Variants in GALNT16 observed in about 807,000 individuals in gnomAD.
GALNT16 encodes the protein polypeptide N-acetylgalactosaminyltransferase 16.
Under a neutral mutation model 76.1 loss-of-function variants are expected in GALNT16, and 40 were observed. That is an observed-to-expected ratio of 0.53 (90% CI 0.41 to 0.68). The LOEUF is 0.68. GALNT16 is among the 30% of genes least tolerant of loss of function. The probability of loss-of-function intolerance (pLI) is 0.00; values close to 1 mark genes in which losing one functional copy is unlikely to be tolerated. For missense variants in GALNT16, 621 were observed against 731.9 expected, an observed-to-expected ratio of 0.85 and a Z score of 1.75; for synonymous variants, 276 against 285.2, an observed-to-expected ratio of 0.97 and a Z score of 0.32.
At chr14:69,269,667 TGTGTA>T (rs1294686194) in intron 1 of GALNT16, among the ~76,000 whole-genome samples, 1 of 151,098 alleles carries the variant, frequency 6.6e-6, no homozygotes, top group Non-Finnish European at 1.5e-5. Context: ...GGTTTGTGTG[TGTGTA>T]GTGTGTGTGT....
chr14:69,295,484 C>G (rs2044746950), intron 1 of GALNT16, among the ~76,000 whole-genome samples: 1 of 151,048 alleles, frequency 6.6e-6, no homozygotes, highest in African/African-American at 2.4e-5. Context: ...TTTTGGGAGG[C>G]CGAGGTGGGC....
At chr14:69,262,960 A>G (rs1169295836) in intron 1 of GALNT16, among the ~76,000 whole-genome samples, 1 of 150,204 alleles carries the variant, frequency 6.7e-6, no homozygotes, top group East Asian at 1.9e-4. Flanking sequence ...GCTCACTGTA[A>G]CCTCCACCTC....
chr14:69,355,821 G>T (rs2140211556), downstream of GALNT16: 1 of 152,390 alleles, frequency 6.6e-6, no homozygotes, highest in South Asian at 2.1e-4. Flanking sequence ...TTTTACAAGG[G>T]CTGTTCCCCC....
At chr14:69,323,271 G>T (rs982809172) in intron 2 of GALNT16, among the ~76,000 whole-genome samples, 1 of 152,208 alleles carries the variant, frequency 6.6e-6, no homozygotes, top group Non-Finnish European at 1.5e-5. Flanking sequence ...ACTCAGGGCT[G>T]GGACAAACCC....
At chr14:69,373,256 T>C in the GALNT16 span, among the ~76,000 whole-genome samples, 1 of 152,202 alleles carries the variant, frequency 6.6e-6, no homozygotes, top group Non-Finnish European at 1.5e-5. Flanking sequence ...TGGGAGTTAG[T>C]ATTACCATGA....
chr14:69,334,753 T>C (rs1466478674), intron 9 of GALNT16, among the ~76,000 whole-genome samples: 1 of 152,136 alleles, frequency 6.6e-6, no homozygotes, highest in Non-Finnish European at 1.5e-5. Context: ...CACCCCGTCA[T>C]CTCCTGCTGG....
chr14:69,296,805 CTAGATAGATAGA>C lies in GALNT16; in HGVS notation c.178-23876_178-23865del, dbSNP rs71102640. Among the ~76,000 whole-genome samples the C allele has an allele frequency of 0.029, 4,265 of 148,182 alleles. 312 individuals carry two copies. In the East Asian group the frequency reaches 0.31, roughly 11 times the overall value. ...GATAGAGATAGACAGACAGATAGAG[CTAGATAGATAGA>C]TAGATAGATAGATAGATAGATAGAT... is the stretch of plus-strand genomic sequence containing the variant. On this transcript the variant is annotated intron_variant, in intron 1 of 14. Transcript: ENST00000448469.
chr14:69,278,302 C>G (rs2044499572), intron 1 of GALNT16, among the ~76,000 whole-genome samples: 1 of 152,186 alleles, frequency 6.6e-6, no homozygotes, highest in South Asian at 2.1e-4. Flanking sequence ...AGCCACCACA[C>G]TGGTCATATT....
chr14:69,282,444 G>A (rs2044556593), intron 1 of GALNT16, among the ~76,000 whole-genome samples: 2 of 152,174 alleles, frequency 1.3e-5, no homozygotes, highest in Middle Eastern at 3.4e-3. Context: ...ATCTGACCAT[G>A]GTTGGCTCCT....
At chr14:69,375,052 A>C in the GALNT16 span, among the ~76,000 whole-genome samples, 1 of 152,116 alleles carries the variant, frequency 6.6e-6, no homozygotes, top group Non-Finnish European at 1.5e-5. Flanking sequence ...CAACACATAA[A>C]CTTTGGGAGA....
the GALNT16 span, chr14:69,380,672 A>G: frequency 1.5e-6 from 2 of 1,305,506 alleles, no homozygotes; most frequent in Non-Finnish European, 2.2e-6. Flanking sequence ...GCAAAGTCAC[A>G]GTGGTCAATC....
intron 1 of GALNT16, among the ~76,000 whole-genome samples, chr14:69,310,852 C>T (rs2045008223): frequency 6.6e-6 from 1 of 152,118 alleles, no homozygotes; most frequent in Non-Finnish European, 1.5e-5. Flanking sequence ...GAGGTTGAGG[C>T]TGCGGTGAGC....
At chr14:69,329,494 C>T (rs994371789) in intron 6 of GALNT16, among the ~76,000 whole-genome samples, 1 of 152,220 alleles carries the variant, frequency 6.6e-6, no homozygotes, top group African/African-American at 2.4e-5. Context: ...TGAGATGCCA[C>T]TTCACACCTA....
intron 2 of GALNT16, among the ~76,000 whole-genome samples, chr14:69,323,207 AT>A (rs1218855599): frequency 6.6e-6 from 1 of 152,222 alleles, no homozygotes; most frequent in Admixed American, 6.5e-5. Flanking sequence ...CATAAACCAC[AT>A]AAGACAGGCC....
intron 1 of GALNT16, among the ~76,000 whole-genome samples, chr14:69,316,780 G>GT (rs1555399673): frequency 7.9e-6 from 1 of 126,826 alleles, no homozygotes; most frequent in Non-Finnish European, 1.6e-5. Flanking sequence ...TCTGTGAGGG[G>GT]GGGGGGCACT....
intron 1 of GALNT16, among the ~76,000 whole-genome samples, chr14:69,284,872 G>A (rs1245208810): frequency 6.6e-6 from 1 of 151,896 alleles, no homozygotes; most frequent in Non-Finnish European, 1.5e-5. Context: ...GTTTTATAAG[G>A]GGCTTTTAAC....
At chr14:69,296,804 GCT>G (rs1491555560) in intron 1 of GALNT16, among the ~76,000 whole-genome samples, 13 of 100,924 alleles carry the variant, frequency 1.3e-4, no homozygotes, top group Non-Finnish European at 2.0e-4. Context: ...GACAGATAGA[GCT>G]AGATAGATAG....
intron 1 of GALNT16, among the ~76,000 whole-genome samples, chr14:69,289,157 C>T (rs961179827): frequency 1.3e-5 from 2 of 152,166 alleles, no homozygotes; most frequent in African/African-American, 4.8e-5. Flanking sequence ...GGATTACAGG[C>T]GTGGGTCACC....
At chr14:69,379,256 TTTGG>T in the GALNT16 span, among the ~76,000 whole-genome samples, 618 of 152,276 alleles carry the variant, frequency 4.1e-3, 1 homozygote, top group African/African-American at 0.014. Context: ...AGCTTTAAAA[TTTGG>T]TTGGTTTCAC....
Sources: allele counts gnomAD v4.1 joint callset (sites outside exome capture counted in the v4.1 genomes callset), GRCh38; gene constraint gnomAD v4.1.1; transcripts MANE v1.5; gene names NCBI Gene and HGNC (gene_info 2026-07-23, HGNC 2026-07-21).